Variants in PGBD5 observed in about 807,000 individuals in gnomAD.
PGBD5 encodes the protein piggyBac transposable element-derived protein 5.
Under a neutral mutation model 47.9 loss-of-function variants are expected in PGBD5, and 14 were observed. The ratio of observed to expected loss-of-function variants is 0.29; its 90% CI spans 0.19 to 0.46. The LOEUF (loss-of-function observed/expected upper bound fraction) is 0.46. Among genes scored for constraint, PGBD5 ranks in the 20% least tolerant of loss-of-function variants. PGBD5 has a pLI of 1.00. For synonymous variants in PGBD5, 316 were observed against 306.3 expected (o/e 1.03, Z -0.33); for missense variants, 635 against 716.0 (o/e 0.89, Z 1.29).
intron 5 of PGBD5, among the ~76,000 whole-genome samples, chr1:230,332,589 C>G (rs1353577252): frequency 6.6e-6 from 1 of 152,208 alleles, no homozygotes; most frequent in Non-Finnish European, 1.5e-5. Context: ...CTTGAGCCAC[C>G]TGCAAACCCC....
intron 3 of PGBD5, among the ~76,000 whole-genome samples, chr1:230,337,906 G>A (rs114271007): frequency 0.011 from 1,618 of 152,272 alleles, 33 homozygotes; most frequent in African/African-American, 0.036. Context: ...CACCAAAGGG[G>A]TAGAGGCAGG....
At chr1:230,385,263 T>C (rs1037444273) in intron 1 of PGBD5, among the ~76,000 whole-genome samples, 1 of 152,230 alleles carries the variant, frequency 6.6e-6, no homozygotes, top group African/African-American at 2.4e-5. Flanking sequence ...AGACAGATGC[T>C]TGGTAATTAC....
chr1:230,373,511 T>A (rs1156352695), intron 1 of PGBD5, among the ~76,000 whole-genome samples: 1 of 152,206 alleles, frequency 6.6e-6, no homozygotes, highest in African/African-American at 2.4e-5. Flanking sequence ...AGGAAGACAC[T>A]GTTTCTCCCC....
chr1:230,326,380 T>C (rs968578140), intron 5 of PGBD5, among the ~76,000 whole-genome samples: 1 of 152,196 alleles, frequency 6.6e-6, no homozygotes, highest in African/African-American at 2.4e-5. Context: ...ATCGCTGCCA[T>C]TGTATTCCAG....
chr1:230,362,689 G>C (rs886188106), intron 1 of PGBD5, among the ~76,000 whole-genome samples: 6 of 152,152 alleles, frequency 3.9e-5, no homozygotes, highest in Non-Finnish European at 7.3e-5. Flanking sequence ...CAGAGGTCAG[G>C]GTTGGTGTGT....
intron 1 of PGBD5, among the ~76,000 whole-genome samples, chr1:230,376,329 G>A (rs909758057): frequency 2.0e-5 from 3 of 152,064 alleles, no homozygotes; most frequent in South Asian, 2.1e-4. Flanking sequence ...GACTGAGCCC[G>A]CCTGACCTGC....
At chr1:230,405,698 A>G (rs1657283403) in intron 1 of PGBD5, among the ~76,000 whole-genome samples, 1 of 152,218 alleles carries the variant, frequency 6.6e-6, no homozygotes, top group African/African-American at 2.4e-5. Context: ...CTCTAAAAAT[A>G]TATGGACCAG....
intron 1 of PGBD5, among the ~76,000 whole-genome samples, chr1:230,402,080 A>T (rs905095804): frequency 3.0e-4 from 46 of 152,366 alleles, no homozygotes; most frequent in African/African-American, 1.0e-3. Flanking sequence ...CTTTGAGTCC[A>T]GATGAAGCCT....
intron 1 of PGBD5, among the ~76,000 whole-genome samples, chr1:230,394,301 C>T (rs1656869287): frequency 6.6e-6 from 1 of 151,834 alleles, no homozygotes; most frequent in Non-Finnish European, 1.5e-5. Context: ...AACTCTGACT[C>T]TGCCCTTCTA....
At chr1:230,398,160 C>CACCCCT (rs1657046547) in intron 1 of PGBD5, among the ~76,000 whole-genome samples, 1 of 152,256 alleles carries the variant, frequency 6.6e-6, no homozygotes, top group Admixed American at 6.5e-5. Flanking sequence ...GCCTTGCTTT[C>CACCCCT]CTGTCTAGCC....
chr1:230,376,293 T>C (rs981837226), intron 1 of PGBD5, among the ~76,000 whole-genome samples: 2 of 152,200 alleles, frequency 1.3e-5, no homozygotes, highest in South Asian at 2.1e-4. Flanking sequence ...TTGTTTCACC[T>C]GTCTCAGAGG....
intron 1 of PGBD5, among the ~76,000 whole-genome samples, chr1:230,422,179 G>C (rs978696006): frequency 2.0e-5 from 3 of 151,748 alleles, no homozygotes; most frequent in African/African-American, 7.3e-5. Context: ...TAGAAAGAGT[G>C]AACAGCTCAG....
At chr1:230,332,305 G>A (rs1339444471) in intron 5 of PGBD5, among the ~76,000 whole-genome samples, 3 of 152,210 alleles carry the variant, frequency 2.0e-5, no homozygotes, top group Non-Finnish European at 4.4e-5. Flanking sequence ...CTTTTCAGTG[G>A]TTTAGTGATG....
Position 230,318,575 on chromosome 1 carries a change from C to T in PGBD5, c.*4850G>A, listed in dbSNP as rs1666984029. On this transcript the variant is annotated 3_prime_UTR_variant, in exon 7 of 7. Coordinates refer to ENST00000391860, the MANE Select transcript of PGBD5 (RefSeq NM_001258311.2). ...GGGGACTTCTTTCGTTTGGAACTCC[C>T]ACTACACAAGGCTAAGGCTTTCCAC... 6.6e-6 allele frequency: 1 copy of T among 152,254 alleles called. No homozygotes were observed. The highest frequency in any genetic ancestry group is 1.5e-5 in the Non-Finnish European group (1 of 68,072). 9.4% of individuals were successfully genotyped at this position (152,254 alleles called of 1,614,324 possible). A position where few individuals can be genotyped will look rare whatever the true frequency, so the allele number is the denominator to read the frequency against.
At chr1:230,376,328 C>G (rs186226536) in intron 1 of PGBD5, among the ~76,000 whole-genome samples, 1 of 152,108 alleles carries the variant, frequency 6.6e-6, no homozygotes, top group East Asian at 1.9e-4. Flanking sequence ...GGACTGAGCC[C>G]GCCTGACCTG....
In PGBD5 at chr1:230,333,025, G is replaced by GCCAGCT; in HGVS notation, c.1091_1092insAGCTGG (p.Gly364_Leu365insAlaGly). 1 of 1,601,088 alleles carries GCCAGCT rather than the reference G, an allele frequency of 6.2e-7. No homozygotes were observed. Among genetic ancestry groups the GCCAGCT allele is most frequent in the Non-Finnish European group, 8.5e-7 (1 of 1,174,126 alleles). ...AGTCACTCTTCCGCGCGCGGAGCAA[G>GCCAGCT]CCGCAGCAGTAAATCCCTGAGGGGA... On this transcript the variant is annotated inframe_insertion, in exon 5 of 7. Transcript: ENST00000391860.
intron 1 of PGBD5, among the ~76,000 whole-genome samples, chr1:230,417,978 T>C (rs558520850): frequency 3.2e-4 from 48 of 152,294 alleles, no homozygotes; most frequent in Middle Eastern, 3.4e-3. Flanking sequence ...CAGGGGACAT[T>C]TGGCAATGTC....
intron 1 of PGBD5, among the ~76,000 whole-genome samples, chr1:230,381,883 T>C (rs74627709): frequency 1.9e-4 from 29 of 152,250 alleles, no homozygotes; most frequent in African/African-American, 7.0e-4. Context: ...TACCCACTCC[T>C]GTCCCTCTCC....
chr1:230,329,090 T>C (rs146804881), intron 5 of PGBD5, among the ~76,000 whole-genome samples: 441 of 150,694 alleles, frequency 2.9e-3, no homozygotes, highest in Middle Eastern at 6.8e-3. Flanking sequence ...CTTGGACTAC[T>C]ACAGCTACGC....
Sources: gnomAD v4.1 joint callset for allele counts (sites outside exome capture counted in the v4.1 genomes callset) on GRCh38, gnomAD v4.1.1 for gene constraint, MANE v1.5 for transcripts, NCBI Gene and HGNC (gene_info 2026-07-23, HGNC 2026-07-21) for gene names.